Variants in USP34 observed in about 807,000 individuals in gnomAD.
The protein encoded by USP34 is ubiquitin specific peptidase 34, also known as ubiquitin carboxyl-terminal hydrolase 34.
Under a neutral mutation model 460.3 loss-of-function variants are expected in USP34, and 70 were observed. The ratio of observed to expected loss-of-function variants is 0.15; its 90% CI spans 0.13 to 0.19. USP34 has a LOEUF of 0.19. USP34 is among the 10% of genes least tolerant of loss of function. The pLI is 1.00. For synonymous variants in USP34, 1,647 were observed against 1,405.3 expected (o/e 1.17, Z -3.85); for missense variants, 3,985 against 4,236.2 (o/e 0.94, Z 1.65).
At chr2:61,255,154 A>G (rs560716333) in intron 48 of USP34, among the ~76,000 whole-genome samples, 2 of 152,334 alleles carry the variant, frequency 1.3e-5, no homozygotes, top group East Asian at 1.9e-4. Context: ...GAAGACCACT[A>G]AATTATTATT....
chr2:61,217,861 A>G (rs1231606099), intron 67 of USP34, among the ~76,000 whole-genome samples: 3 of 152,208 alleles, frequency 2.0e-5, no homozygotes, highest in Non-Finnish European at 4.4e-5. Flanking sequence ...AGGCTGAGAC[A>G]GGAGAACTGC....
chr2:61,436,446 T>A (rs934044202), intron 1 of USP34, among the ~76,000 whole-genome samples: 1 of 152,014 alleles, frequency 6.6e-6, no homozygotes, highest in Non-Finnish European at 1.5e-5. Context: ...AAGCCAAAAG[T>A]TGTAAAAGGA....
At chr2:61,196,588 TGGC>T (rs1686817598) in intron 75 of USP34, among the ~76,000 whole-genome samples, 1 of 152,004 alleles carries the variant, frequency 6.6e-6, no homozygotes, top group Non-Finnish European at 1.5e-5. Context: ...CATGTTGCAG[TGGC>T]ATCGTCTTGG....
Position 61,220,556 on chromosome 2 carries a change from CTTT to C in USP34, c.7900-102_7900-100del, listed in dbSNP as rs932652431. 63 of 1,149,136 alleles carry C rather than the reference CTTT, an allele frequency of 5.5e-5. No individual in the cohort carries two copies. The African/African-American group carries it at 8.1e-4, about 15-fold the overall frequency. The allele number at this position is 1,149,136 out of a possible 1,614,324, so 71.2% of individuals were successfully genotyped here. ...TGCTATTAGACACAAAGCTAAAGTACTTTTTTGACAATTAGAGATTAAAAAGGT... is the reference window on the plus strand; with the variant it reads ...TGCTATTAGACACAAAGCTAAAGTACTTTGACAATTAGAGATTAAAAAGGT... On this transcript the variant is annotated intron_variant, in intron 66 of 79. Coordinates refer to ENST00000398571, the MANE Select transcript of USP34 (RefSeq NM_014709.4).
intron 2 of USP34, among the ~76,000 whole-genome samples, chr2:61,420,483 A>G (rs1285046934): frequency 2.6e-5 from 4 of 152,198 alleles, no homozygotes; most frequent in African/African-American, 9.6e-5. Flanking sequence ...AATCTCTCAA[A>G]ATAGTTACTT....
intron 5 of USP34, among the ~76,000 whole-genome samples, chr2:61,388,646 C>T (rs1365751326): frequency 6.6e-6 from 1 of 151,968 alleles, no homozygotes; most frequent in Non-Finnish European, 1.5e-5. Flanking sequence ...GCCCCAGCTA[C>T]TCAGGAGGCT....
chr2:61,339,407 A>G lies in USP34; in HGVS notation c.2688T>C (p.Asp896=), dbSNP rs1199529982. The G allele has an allele frequency of 6.2e-7, 1 of 1,609,844 alleles. No homozygotes were observed. The highest frequency in any genetic ancestry group is 1.3e-5 in the African/African-American group (1 of 74,810). Residue 896 remains aspartate, a synonymous_variant, in exon 18 of 80, where the codon GAT becomes GAC. Transcript: ENST00000398571. The stretch of plus-strand genomic sequence containing the variant: ...CAATGAATCTCATTCGAATTTGTCT[A>G]TCTGTAAACCAACATACTAACGAAC... ...LLCSLVCWFT[D]RQIRMRFIEG... is the part of the protein sequence containing the mutation.
chr2:61,347,569 T>TCA (rs1364142020), intron 15 of USP34, among the ~76,000 whole-genome samples: 1 of 152,194 alleles, frequency 6.6e-6, no homozygotes, highest in Non-Finnish European at 1.5e-5. Context: ...AGATGGGGTT[T>TCA]CACCATGTTG....
chr2:61,355,254 A>G (rs1221631579), intron 10 of USP34, among the ~76,000 whole-genome samples: 2 of 152,236 alleles, frequency 1.3e-5, no homozygotes, highest in Non-Finnish European at 2.9e-5. Context: ...GACAAATGCT[A>G]AAGAGTCCTT....
In USP34 at chr2:61,229,112, C is replaced by T. The variant is rs893700688; in HGVS notation, c.7200-117G>A. On this transcript the variant is annotated intron_variant, in intron 59 of 79. Transcript: ENST00000398571. ...TATCTTTGAGATAATGAATATGAAC[C>T]GCAATAACTTAAGTAGTTATTGTGA... The T allele has an allele frequency of 7.3e-5, 53 of 724,494 alleles. 1 individual carries two copies. In the South Asian group the frequency reaches 1.2e-3, roughly 16 times the overall value. The allele number at this position is 724,494 out of a possible 1,614,324, so 44.9% of individuals were successfully genotyped here. A position where few individuals can be genotyped will look rare whatever the true frequency, so the allele number is the denominator to read the frequency against.
chr2:61,247,665 C>T (rs749516712), intron 49 of USP34, among the ~76,000 whole-genome samples: 11 of 152,104 alleles, frequency 7.2e-5, no homozygotes, highest in Non-Finnish European at 1.5e-4. Context: ...ATAGCTGTGA[C>T]CATAGGCATG....
At chr2:61,303,230 C>T (rs1690285143) in intron 27 of USP34, among the ~76,000 whole-genome samples, 2 of 151,970 alleles carry the variant, frequency 1.3e-5, no homozygotes, top group African/African-American at 2.4e-5. Flanking sequence ...TCACACTTAA[C>T]TAATTTTTGT....
chr2:61,464,585 A>G (rs796721986), intron 1 of USP34, among the ~76,000 whole-genome samples: 2 of 152,168 alleles, frequency 1.3e-5, no homozygotes, highest in African/African-American at 2.4e-5. Context: ...TCTACAACAC[A>G]TAAGTGGTTT....
At chr2:61,461,724 G>A (rs184138757) in intron 1 of USP34, among the ~76,000 whole-genome samples, 30 of 152,152 alleles carry the variant, frequency 2.0e-4, no homozygotes, top group African/African-American at 5.5e-4. Flanking sequence ...GCACGACTAC[G>A]ACTAAAAGAT....
intron 44 of USP34, among the ~76,000 whole-genome samples, chr2:61,257,972 T>G (rs1046537254): frequency 6.6e-6 from 1 of 152,222 alleles, no homozygotes; most frequent in Non-Finnish European, 1.5e-5. Flanking sequence ...TCCCAGAGAT[T>G]GAACTTTGTT....
intron 75 of USP34, among the ~76,000 whole-genome samples, chr2:61,202,099 CT>C (rs1415645034): frequency 6.6e-6 from 1 of 152,194 alleles, no homozygotes; most frequent in African/African-American, 2.4e-5. Context: ...GCTCTAATCA[CT>C]TGCCAATAAG....
intron 1 of USP34, among the ~76,000 whole-genome samples, chr2:61,427,018 T>C (rs1266301457): frequency 6.6e-6 from 1 of 152,204 alleles, no homozygotes; most frequent in African/African-American, 2.4e-5. Flanking sequence ...CTAAAGCAGA[T>C]ACAGCTTAGA....
intron 27 of USP34, among the ~76,000 whole-genome samples, chr2:61,304,127 A>ACCGCAAATGATCCGCCTGC (rs1690328467): frequency 6.6e-6 from 1 of 152,056 alleles, no homozygotes; most frequent in South Asian, 2.1e-4. Context: ...CGACCTCCTG[A>ACCGCAAATGATCCGCCTGC]CCGCAAATGA....
chr2:61,252,223 T>C (rs1340838962), intron 48 of USP34, among the ~76,000 whole-genome samples: 1 of 152,212 alleles, frequency 6.6e-6, no homozygotes, highest in Non-Finnish European at 1.5e-5. Flanking sequence ...TTGCAAAGTC[T>C]GGCTGTAATC....
Sources: gnomAD v4.1 joint callset for allele counts (sites outside exome capture counted in the v4.1 genomes callset) on GRCh38, gnomAD v4.1.1 for gene constraint, MANE v1.5 for transcripts, NCBI Gene and HGNC (gene_info 2026-07-23, HGNC 2026-07-21) for gene names.